Variants in PAG1 observed in about 807,000 individuals in gnomAD.
PAG1 encodes phosphoprotein membrane anchor with glycosphingolipid microdomains 1.
Under a neutral mutation model 31.7 loss-of-function variants are expected in PAG1, and 23 were observed. The observed-to-expected ratio is 0.73, with a 90% confidence interval of 0.52 to 1.03. The LOEUF (loss-of-function observed/expected upper bound fraction) is 1.03. PAG1 is among the 50% of genes least tolerant of loss of function. The pLI, the probability that PAG1 is intolerant of heterozygous loss-of-function variation, is 0.00. For missense variants in PAG1, 473 were observed against 540.7 expected, an observed-to-expected ratio of 0.87 and a Z score of 1.24; for synonymous variants, 214 against 210.3, an observed-to-expected ratio of 1.02 and a Z score of -0.15.
At chr8:81,084,035 A>AG (rs1809311883) in intron 1 of PAG1, among the ~76,000 whole-genome samples, 1 of 146,996 alleles carries the variant, frequency 6.8e-6, no homozygotes, top group African/African-American at 2.7e-5. Context: ...ACTCCATCTT[A>AG]GAAAAAAAAA....
At chr8:81,052,621 G>C (rs969277280) in intron 2 of PAG1, among the ~76,000 whole-genome samples, 1 of 152,184 alleles carries the variant, frequency 6.6e-6, no homozygotes, top group South Asian at 2.1e-4. Flanking sequence ...ATTTGGAGAA[G>C]CTTATTAATA....
At chr8:81,025,143 C>T (rs1042485024) in intron 3 of PAG1, among the ~76,000 whole-genome samples, 9 of 151,670 alleles carry the variant, frequency 5.9e-5, no homozygotes, top group South Asian at 2.1e-4. Flanking sequence ...CCTCCTATGA[C>T]GGTGGATTTC....
At chr8:81,020,608 A>T (rs1271674995) in intron 3 of PAG1, among the ~76,000 whole-genome samples, 1 of 152,172 alleles carries the variant, frequency 6.6e-6, no homozygotes, top group Non-Finnish European at 1.5e-5. Flanking sequence ...GCCATGTGGA[A>T]CTGTGATTCC....
intron 1 of PAG1, among the ~76,000 whole-genome samples, chr8:81,072,524 C>T (rs763614041): frequency 1.3e-5 from 2 of 152,186 alleles, no homozygotes; most frequent in Non-Finnish European, 2.9e-5. Context: ...AATCACTGGT[C>T]TAAAATGAAT....
chr8:81,087,430 C>T (rs1260474860), intron 1 of PAG1, among the ~76,000 whole-genome samples: 1 of 151,886 alleles, frequency 6.6e-6, no homozygotes, highest in East Asian at 1.9e-4. Context: ...TTTAGTACCT[C>T]GCCATTTACA....
chr8:81,076,966 G>GA (rs1232872444), intron 1 of PAG1, among the ~76,000 whole-genome samples: 5 of 152,130 alleles, frequency 3.3e-5, no homozygotes, highest in African/African-American at 9.7e-5. Flanking sequence ...GAATGAGAAT[G>GA]GTTAATACCA....
At chr8:81,025,931 G>A (rs1452702819) in intron 3 of PAG1, among the ~76,000 whole-genome samples, 3 of 152,172 alleles carry the variant, frequency 2.0e-5, no homozygotes, top group Admixed American at 2.0e-4. Context: ...GACCCTAAAG[G>A]GGCCTGACAG....
chr8:81,037,111 A>G (rs895772734), intron 2 of PAG1: 4 of 152,212 alleles, frequency 2.6e-5, no homozygotes, highest in African/African-American at 9.7e-5. Context: ...GACACCGGAA[A>G]AATAGTTCTT....
At chr8:81,043,796 T>C (rs1204393018) in intron 2 of PAG1, among the ~76,000 whole-genome samples, 1 of 152,230 alleles carries the variant, frequency 6.6e-6, no homozygotes, top group Non-Finnish European at 1.5e-5. Flanking sequence ...GTTTTATTAA[T>C]ATACAGTATG....
Position 80,985,344 on chromosome 8 carries a change from T to C in PAG1, c.308A>G (p.Gln103Arg). Reference protein sequence around the residue: ...LSEDSTLTCMQHYEEVQTSAS... With the variant: ...LSEDSTLTCMRHYEEVQTSAS... ...CGATGTCTGGACTTCCTCGTAATGC[T>C]GCATGCAGGTCAGAGTACTGTCCTC... The change falls in exon 7 of 9, where the codon CAG becomes CGG. Residue 103 changes from glutamine (Q) to arginine (R), a missense_variant. Gln to Arg is a conservative substitution (Grantham distance 43). Transcript: ENST00000220597. The C allele has an allele frequency of 1.9e-6, 3 of 1,614,084 alleles. 1 individual carries two copies. The South Asian group carries it at 3.3e-5, about 18-fold the overall frequency.
At chr8:81,073,213 C>T (rs925002709) in intron 1 of PAG1, among the ~76,000 whole-genome samples, 3 of 152,162 alleles carry the variant, frequency 2.0e-5, no homozygotes, top group Admixed American at 1.3e-4. Flanking sequence ...CAAACCACAG[C>T]GAATTAGGCA....
chr8:81,096,460 T>A (rs1809529493), intron 1 of PAG1, among the ~76,000 whole-genome samples: 1 of 152,170 alleles, frequency 6.6e-6, no homozygotes, highest in South Asian at 2.1e-4. Flanking sequence ...AAAAGAAAAC[T>A]ACAAAAAGAT....
In PAG1 at chr8:80,976,026, C is replaced by A; in HGVS notation, c.*518G>T. On this transcript the variant is annotated 3_prime_UTR_variant, in exon 9 of 9. Coordinates refer to ENST00000220597, the MANE Select transcript of PAG1 (RefSeq NM_018440.4). ...ATGGTTTGTCACCATCCTAAAACACCTATATTGAGGGCAAAGGCCAAGCTT... is the reference window on the plus strand; with the variant it reads ...ATGGTTTGTCACCATCCTAAAACACATATATTGAGGGCAAAGGCCAAGCTT... The A allele has an allele frequency of 6.5e-6, 1 of 154,376 alleles. No homozygotes were observed. The highest frequency in any genetic ancestry group is 1.4e-5 in the Non-Finnish European group (1 of 69,696). 9.6% of individuals were successfully genotyped at this position (154,376 alleles called of 1,614,324 possible).
At chr8:81,012,093 G>A (rs1807995802) in intron 3 of PAG1, among the ~76,000 whole-genome samples, 1 of 152,146 alleles carries the variant, frequency 6.6e-6, no homozygotes, top group African/African-American at 2.4e-5. Flanking sequence ...GCTTGAGATG[G>A]GAGGTACATT....
At chr8:81,090,045 TGAG>T (rs1386757430) in intron 1 of PAG1, among the ~76,000 whole-genome samples, 1 of 152,202 alleles carries the variant, frequency 6.6e-6, no homozygotes, top group African/African-American at 2.4e-5. Flanking sequence ...CAAAGGGCCA[TGAG>T]TAGTTTCTGC....
Position 81,093,307 on chromosome 8 carries a change from G to A in PAG1, c.-234+18284C>T, listed in dbSNP as rs538174001. On this transcript the variant is annotated intron_variant, in intron 1 of 8. Transcript: ENST00000220597. ...ATTTTAAAAAGTCTGAGGGTGGTCCGAAAGTCTAGAAACCAATGAAGACCC... is the reference window on the plus strand; with the variant it reads ...ATTTTAAAAAGTCTGAGGGTGGTCCAAAAGTCTAGAAACCAATGAAGACCC... Among the ~76,000 whole-genome samples, 8 of 152,210 alleles carry A rather than the reference G, an allele frequency of 5.3e-5. No individual in the cohort carries two copies. The South Asian group carries it at 8.3e-4, about 16-fold the overall frequency.
chr8:80,985,157 C>T lies in PAG1; in HGVS notation c.495G>A (p.Val165=). ...TTTCTTGGGAGGAGCTGTCCTTGAG[C>T]ACTTCATAGGGCCCTTCCATCCCCA... ...QGLGMEGPYE[V]LKDSSSQENM... The change falls in exon 7 of 9, where the codon GTG becomes GTA. Residue 165 remains valine, a synonymous_variant. Transcript: ENST00000220597. 1 of 1,614,116 alleles carries T rather than the reference C, an allele frequency of 6.2e-7. No individual in the cohort carries two copies. Among genetic ancestry groups the T allele is most frequent in the South Asian group, 1.1e-5 (1 of 91,072 alleles).
chr8:81,105,830 A>G (rs950062357), intron 1 of PAG1, among the ~76,000 whole-genome samples: 1 of 152,216 alleles, frequency 6.6e-6, no homozygotes, highest in African/African-American at 2.4e-5. Context: ...ATAAATTCAC[A>G]TAAAAGCTTA....
chr8:81,079,873 AT>A (rs199754809), intron 1 of PAG1, among the ~76,000 whole-genome samples: 1,966 of 151,986 alleles, frequency 0.013, 43 homozygotes, highest in African/African-American at 0.044. Flanking sequence ...GATTCAAGTG[AT>A]TCTCCCACCT....
Sources: gnomAD v4.1 joint callset for allele counts (sites outside exome capture counted in the v4.1 genomes callset) on GRCh38, gnomAD v4.1.1 for gene constraint, MANE v1.5 for transcripts, NCBI Gene and HGNC (gene_info 2026-07-23, HGNC 2026-07-21) for gene names.